The following PIP5K1B variants were observed in gnomAD, a reference collection of about 807,000 sequenced individuals.
PIP5K1B encodes the protein phosphatidylinositol 4-phosphate 5-kinase type-1 beta.
In PIP5K1B, 42 loss-of-function variants were observed where a neutral mutation model predicts 67.0. The ratio of observed to expected loss-of-function variants is 0.63; its 90% confidence interval spans 0.49 to 0.81. The LOEUF is 0.81. Ranked by LOEUF, PIP5K1B falls within the 30% of genes least tolerant of loss-of-function variation. PIP5K1B has a pLI of 0.00. For synonymous variants in PIP5K1B, 214 were observed against 231.4 expected (o/e 0.92, Z 0.68); for missense variants, 459 against 646.3 (o/e 0.71, Z 3.14).
chr9:68,830,635 A>G (rs1433165614), intron 4 of PIP5K1B, among the ~76,000 whole-genome samples: 1 of 152,124 alleles, frequency 6.6e-6, no homozygotes, highest in African/African-American at 2.4e-5. Flanking sequence ...TAAAACGCGA[A>G]CTATAGGAAA....
intron 4 of PIP5K1B, among the ~76,000 whole-genome samples, chr9:68,830,978 A>G (rs906787753): frequency 3.9e-5 from 6 of 152,186 alleles, no homozygotes; most frequent in Admixed American, 3.3e-4. Flanking sequence ...GCCTGAGCAC[A>G]TAAAAGAGAT....
chr9:68,723,096 G>A (rs147730759), intron 1 of PIP5K1B, among the ~76,000 whole-genome samples: 1 of 151,994 alleles, frequency 6.6e-6, no homozygotes, highest in Non-Finnish European at 1.5e-5. Flanking sequence ...AATGACTTCC[G>A]GTTTCCACCA....
chr9:69,004,360 T>A (rs1053823881), intron 15 of PIP5K1B, among the ~76,000 whole-genome samples: 6 of 151,900 alleles, frequency 3.9e-5, no homozygotes, highest in Admixed American at 3.3e-4. Flanking sequence ...TGTGTGTGTG[T>A]GTGTGTGTGT....
intron 5 of PIP5K1B, among the ~76,000 whole-genome samples, chr9:68,866,808 G>A (rs180961141): frequency 6.6e-6 from 1 of 152,278 alleles, no homozygotes; most frequent in African/African-American, 2.4e-5. Context: ...ACAAAGGCTG[G>A]AGGTTCATGG....
chr9:68,918,091 A>ATT lies in PIP5K1B; in HGVS notation c.983+334_983+335dup, dbSNP rs956634963. ...AATAAACATGTTTTATTGTTTATTT[A>ATT]TTTATTTTTTTTTTTTGAGACAGAG... On this transcript the variant is annotated intron_variant, in intron 9 of 15. Transcript: ENST00000265382. 5.8e-5 allele frequency among the ~76,000 whole-genome samples: 8 copies of ATT among 136,774 alleles called. No homozygotes were observed. In the East Asian group the frequency reaches 1.2e-3, roughly 20 times the overall value. 89.7% of individuals were successfully genotyped at this position (136,774 alleles called of 152,430 possible). A position where few individuals can be genotyped will look rare whatever the true frequency, so the allele number is the denominator to read the frequency against.
At chr9:68,807,922 G>A (rs1832957139) in intron 2 of PIP5K1B, among the ~76,000 whole-genome samples, 1 of 152,200 alleles carries the variant, frequency 6.6e-6, no homozygotes, top group Non-Finnish European at 1.5e-5. Context: ...GAAGAGGCTG[G>A]CACAGTGGCT....
chr9:69,000,342 A>C (rs746149942), intron 15 of PIP5K1B, among the ~76,000 whole-genome samples: 2 of 152,174 alleles, frequency 1.3e-5, no homozygotes, highest in Non-Finnish European at 2.9e-5. Flanking sequence ...AACAGAATTA[A>C]ATATAATAAG....
At chr9:68,726,714 T>A (rs1292371727) in intron 1 of PIP5K1B, among the ~76,000 whole-genome samples, 2 of 152,232 alleles carry the variant, frequency 1.3e-5, no homozygotes, top group Non-Finnish European at 2.9e-5. Flanking sequence ...GCTATAGCTG[T>A]TAAAAGTTGC....
chr9:68,880,556 AACAC>A (rs35017818), intron 6 of PIP5K1B, among the ~76,000 whole-genome samples: 55,853 of 118,172 alleles, frequency 0.47, 10,922 homozygotes, highest in South Asian at 0.54. Context: ...CTGCATCTGA[AACAC>A]ACACACACAC....
At chr9:68,902,528 G>GT (rs1207133894) in intron 8 of PIP5K1B, among the ~76,000 whole-genome samples, 45 of 152,136 alleles carry the variant, frequency 3.0e-4, no homozygotes, top group Non-Finnish European at 6.3e-4. Flanking sequence ...GAACATGTGG[G>GT]TTTTTTCTAG....
Position 68,769,177 on chromosome 9 carries a change from T to C in PIP5K1B, c.-86+26520T>C, listed in dbSNP as rs554655890. 1.0e-3 allele frequency among the ~76,000 whole-genome samples: 156 copies of C among 152,368 alleles called. 1 individual carries two copies. Among genetic ancestry groups the C allele is most frequent in the African/African-American group, 3.5e-3 (146 of 41,590 alleles). ...TATCTTTGTGGGGAACTGGCCATTG[T>C]CTACATCTTCCTCAATGCATTCTTT... On this transcript the variant is annotated intron_variant, in intron 2 of 15. Transcript: ENST00000265382.
chr9:68,768,263 A>G (rs1376258946), intron 2 of PIP5K1B, among the ~76,000 whole-genome samples: 1 of 152,198 alleles, frequency 6.6e-6, no homozygotes, highest in Non-Finnish European at 1.5e-5. Context: ...AGAAGTGGGA[A>G]GAAAAGGAAA....
intron 14 of PIP5K1B, among the ~76,000 whole-genome samples, chr9:68,960,230 G>A (rs1348151065): frequency 1.3e-5 from 2 of 152,168 alleles, no homozygotes; most frequent in Admixed American, 6.5e-5. Context: ...GGCTCCCTAA[G>A]TTGCTGTTCA....
chr9:68,781,492 TAAAAAA>T (rs1352284845), intron 2 of PIP5K1B: 1 of 170,028 alleles, frequency 5.9e-6, no homozygotes, highest in African/African-American at 2.4e-5. Flanking sequence ...CTATACAGCT[TAAAAAA>T]ATACGTTAGT....
intron 1 of PIP5K1B, among the ~76,000 whole-genome samples, chr9:68,719,579 C>T (rs1293173417): frequency 6.6e-6 from 1 of 151,964 alleles, no homozygotes; most frequent in Non-Finnish European, 1.5e-5. Flanking sequence ...TAAATGATGC[C>T]CTTTTATTTT....
intron 14 of PIP5K1B, among the ~76,000 whole-genome samples, chr9:68,955,571 T>G (rs1828345053): frequency 6.6e-6 from 1 of 152,148 alleles, no homozygotes; most frequent in African/African-American, 2.4e-5. Flanking sequence ...TCTGGAAAAG[T>G]GGGGAACTGG....
intron 2 of PIP5K1B, chr9:68,788,915 G>A (rs1831794654): frequency 7.2e-6 from 2 of 278,852 alleles, no homozygotes; most frequent in African/African-American, 2.3e-5. Flanking sequence ...CATCAAGAGG[G>A]ATGAAAGAAA....
At position 68,723,111 on chromosome 9, in the gene PIP5K1B, G is replaced by T. The variant is rs544613490; in HGVS notation, c.-243+17349G>T. On this transcript the variant is annotated intron_variant, in intron 1 of 15. Coordinates refer to ENST00000265382, the MANE Select transcript of PIP5K1B (RefSeq NM_003558.4). ...AATGACTTCCGGTTTCCACCATGTT[G>T]CTACAAATGACAGGATCTCGTTCTT... is the stretch of plus-strand genomic sequence containing the variant. Among the ~76,000 whole-genome samples the T allele has an allele frequency of 1.6e-3, 245 of 151,968 alleles. 3 individuals are homozygous for T. The highest frequency in any genetic ancestry group is 2.1e-3 in the Non-Finnish European group (142 of 67,970).
chr9:68,948,287 C>A (rs1003434964), intron 14 of PIP5K1B, among the ~76,000 whole-genome samples: 4 of 152,122 alleles, frequency 2.6e-5, no homozygotes, highest in Non-Finnish European at 5.9e-5. Context: ...TACCAGTGAA[C>A]CTGAGTGGTG....
Sources: allele counts gnomAD v4.1 joint callset (sites outside exome capture counted in the v4.1 genomes callset), GRCh38; gene constraint gnomAD v4.1.1; transcripts MANE v1.5; gene names NCBI Gene and HGNC (gene_info 2026-07-23, HGNC 2026-07-21).